GPLD1: variants seen among roughly 807,000 people sequenced by gnomAD.
GPLD1 encodes the protein glycosylphosphatidylinositol specific phospholipase D1.
GPLD1 carries 84 observed loss-of-function variants against 112.6 expected under a neutral mutation model. That is an observed-to-expected ratio of 0.75 (90% CI 0.63 to 0.89). GPLD1 has a LOEUF of 0.89. Among genes scored for constraint, GPLD1 ranks in the 40% least tolerant of loss-of-function variants. The pLI, the probability that GPLD1 is intolerant of heterozygous loss-of-function variation, is 0.00. For synonymous variants in GPLD1, 386 were observed against 403.8 expected (o/e 0.96, Z 0.53); for missense variants, 1,044 against 1,051.5 (o/e 0.99, Z 0.10).
intron 5 of GPLD1, 51 bp downstream of exon 5, chr6:24,475,070 T>G: frequency 2.2e-6 from 2 of 907,234 alleles, no homozygotes; most frequent in Non-Finnish European, 1.9e-6. Context: ...TGATCTTAGG[T>G]GAGACAGTAT....
Position 24,495,036 on chromosome 6 carries a change from C to A in GPLD1, n.170G>T, listed in dbSNP as rs759844054. 14 of 1,347,666 alleles carry A rather than the reference C, an allele frequency of 1.0e-5. No homozygotes were observed. Among genetic ancestry groups the A allele is most frequent in the East Asian group, 2.8e-5 (1 of 35,274 alleles). The allele number at this position is 1,347,666 out of a possible 1,614,324, so 83.5% of individuals were successfully genotyped here. ...TTGGCTGCGGAGCTGTGGGGCCCGGCGCCTCGGGTCGACGTTTCCAGGCTG... is the reference window on the plus strand; with the variant it reads ...TTGGCTGCGGAGCTGTGGGGCCCGGAGCCTCGGGTCGACGTTTCCAGGCTG... On this transcript the variant is annotated non_coding_transcript_exon_variant, in exon 1 of 11. Coordinates refer to the GPLD1 transcript ENST00000474784.
At position 24,448,202 on chromosome 6, in the gene GPLD1, C is replaced by T. The variant is rs765558493; in HGVS notation, c.1453G>A (p.Val485Met). 3.7e-6 allele frequency: 6 copies of T among 1,602,488 alleles called. No homozygotes were observed. The highest frequency in any genetic ancestry group is 1.4e-5 in the African/African-American group (1 of 72,382). ...GSEQLTYKGA[V>M]YVYFGSKQGG... ...TGTTTGGAACCAAAGTAGACATACA[C>T]GGCACCCTAGATAAGGACAAACAGC... The change falls in exon 16 of 25, where the codon GTG (valine) becomes ATG (methionine). Residue 485 changes from valine to methionine, a missense_variant. Physicochemically the swap from Val to Met is conservative, Grantham distance 21. Transcript: ENST00000230036.
chr6:24,429,111 A>G lies in GPLD1; in HGVS notation c.2444T>C (p.Val815Ala). Residue 815 changes from valine (V) to alanine (A), a missense_variant, in exon 25 of 25, where the codon GTC becomes GCC. Physicochemically the swap from Val to Ala is moderately conservative, Grantham distance 64. Transcript: ENST00000230036. ...AGAACTCCTTCCAGCAGCAATGACG[A>G]CTTGGTTCTGTAAGGGACACAAGAC... ...ITVRSKAKNQ[V>A]VIAAGRSSLG... 6.2e-7 allele frequency: 1 copy of G among 1,611,594 alleles called. No homozygotes were observed. The highest frequency in any genetic ancestry group is 8.5e-7 in the Non-Finnish European group (1 of 1,177,848).
upstream of GPLD1, among the ~76,000 whole-genome samples, chr6:24,489,814 GATTTC>G (rs1270128059): frequency 6.6e-6 from 1 of 152,110 alleles, no homozygotes; most frequent in African/African-American, 2.4e-5. Context: ...GTTTTTTCTG[GATTTC>G]ATTTTAACAT....
upstream of GPLD1, among the ~76,000 whole-genome samples, chr6:24,494,282 A>C (rs1011346862): frequency 2.0e-5 from 3 of 152,140 alleles, no homozygotes; most frequent in Non-Finnish European, 4.4e-5. Context: ...TTTATAAGTG[A>C]CTGGACTAAG....
intron 7 of GPLD1, among the ~76,000 whole-genome samples, chr6:24,469,346 T>C (rs1319106661): frequency 2.3e-5 from 3 of 132,742 alleles, no homozygotes; most frequent in East Asian, 2.1e-4. Context: ...TATTGCGGCA[T>C]TATTCACAAT....
intron 15 of GPLD1, among the ~76,000 whole-genome samples, chr6:24,448,420 A>T (rs13205577): frequency 0.22 from 33,348 of 151,350 alleles, 3,851 homozygotes; most frequent in Non-Finnish European, 0.24. Context: ...TGTCCACGAA[A>T]AAAACTTTTA....
intron 4 of GPLD1, 84 bp from the exon 5 acceptor site, chr6:24,475,315 T>A: frequency 1.3e-6 from 1 of 782,912 alleles, no homozygotes; most frequent in Non-Finnish European, 2.2e-6. Flanking sequence ...AAATATAAAT[T>A]CATTTATGTT....
At chr6:24,486,037 T>C (rs1764362749) in intron 2 of GPLD1, 38 bp downstream of exon 2, 2 of 1,237,422 alleles carry the variant, frequency 1.6e-6, no homozygotes, top group East Asian at 2.3e-5. Context: ...AAAAGAAAAC[T>C]AATGCACAAA....
chr6:24,448,301 C>T, intron 15 of GPLD1, 93 bp from the exon 16 acceptor site: 2 of 830,476 alleles, frequency 2.4e-6, no homozygotes, highest in Non-Finnish European at 4.0e-6. Context: ...ACTCTGGGTC[C>T]AGGTATGGTG....
chr6:24,466,559 C>T (rs539919194), intron 10 of GPLD1, 121 bp downstream of exon 10: 44 of 734,128 alleles, frequency 6.0e-5, no homozygotes, highest in East Asian at 4.7e-4. Flanking sequence ...GTTAGAAAAG[C>T]ACTTCATGAG....
chr6:24,456,709 A>ATACTTTGGAC, intron 12 of GPLD1, 72 bp from the exon 13 acceptor site: 2 of 1,026,410 alleles, frequency 1.9e-6, no homozygotes, highest in Non-Finnish European at 2.9e-6. Context: ...TTCCTGTCCA[A>ATACTTTGGAC]AGTATTGGAC....
Position 24,473,650 on chromosome 6 carries a change from G to T in GPLD1, c.459C>A (p.Ser153=). The T allele has an allele frequency of 6.2e-7, 1 of 1,608,784 alleles. No homozygotes were observed. Among genetic ancestry groups the T allele is most frequent in the Non-Finnish European group, 8.5e-7 (1 of 1,175,542 alleles). Residue 153 remains serine (S), a synonymous_variant, in exon 6 of 25, where the codon TCC becomes TCA. Coordinates refer to ENST00000230036, the MANE Select transcript of GPLD1 (RefSeq NM_001503.4). ...RTMGAIDFHG[S]YSEAHSAGDF... ...CACCAGCCGAATGAGCCTCTGAATAGGAGCCGTGAAAATCAATCTAAGAAA... is the reference window on the plus strand; with the variant it reads ...CACCAGCCGAATGAGCCTCTGAATATGAGCCGTGAAAATCAATCTAAGAAA...
intron 17 of GPLD1, among the ~76,000 whole-genome samples, chr6:24,447,647 A>C (rs1352868784): frequency 6.6e-6 from 1 of 152,164 alleles, no homozygotes; most frequent in Non-Finnish European, 1.5e-5. Context: ...CTATGGGAAT[A>C]GTCTATTTGC....
chr6:24,459,055 T>C (rs1486589957), intron 12 of GPLD1, among the ~76,000 whole-genome samples: 1 of 152,096 alleles, frequency 6.6e-6, no homozygotes, highest in Non-Finnish European at 1.5e-5. Context: ...TAGTAACTCA[T>C]ATTCCTTGTC....
intron 11 of GPLD1, among the ~76,000 whole-genome samples, chr6:24,462,098 C>CAAT (rs1763456919): frequency 6.6e-6 from 1 of 152,026 alleles, no homozygotes; most frequent in Non-Finnish European, 1.5e-5. Flanking sequence ...ATGAGTAAGA[C>CAAT]AATAATATTG....
intron 2 of GPLD1, among the ~76,000 whole-genome samples, chr6:24,482,833 T>C (rs1751795603): frequency 6.6e-6 from 1 of 151,902 alleles, no homozygotes; most frequent in Non-Finnish European, 1.5e-5. Flanking sequence ...GTGGTGCAGC[T>C]ACTTGGGAGG....
intron 1 of GPLD1, chr6:24,494,799 C>T (rs115424863): frequency 0.019 from 10,240 of 547,860 alleles, 137 homozygotes; most frequent in South Asian, 0.039. Context: ...GGGCAAGGTG[C>T]AGAGGGCGGC....
chr6:24,475,798 C>A (rs529721829), intron 4 of GPLD1, among the ~76,000 whole-genome samples: 30 of 151,786 alleles, frequency 2.0e-4, no homozygotes, highest in Non-Finnish European at 3.7e-4. Flanking sequence ...GTGGAGCTTG[C>A]AGTGAGCTAA....
Sources: allele counts gnomAD v4.1 joint callset (sites outside exome capture counted in the v4.1 genomes callset), GRCh38; gene constraint gnomAD v4.1.1; transcripts MANE v1.5; gene names NCBI Gene and HGNC (gene_info 2026-07-23, HGNC 2026-07-21).